The following NOL4 variants were observed in gnomAD, a reference collection of about 807,000 sequenced individuals.
NOL4 encodes the protein nucleolar protein 4.
NOL4 carries 17 observed loss-of-function variants against 75.9 expected under a neutral mutation model. That is an observed-to-expected ratio of 0.22 (90% CI 0.15 to 0.34). The LOEUF (loss-of-function observed/expected upper bound fraction) is 0.34. Among genes scored for constraint, NOL4 ranks in the 10% least tolerant of loss-of-function variants. NOL4 has a pLI of 1.00. For missense variants in NOL4, 614 were observed against 793.5 expected, an observed-to-expected ratio of 0.77 and a Z score of 2.72; for synonymous variants, 292 against 289.9, an observed-to-expected ratio of 1.01 and a Z score of -0.07.
chr18:33,883,169 C>T (rs572339273), intron 10 of NOL4, 75 bp downstream of exon 10: 50 of 1,125,560 alleles, frequency 4.4e-5, no homozygotes, highest in Middle Eastern at 2.6e-4. Context: ...AACTAACCTG[C>T]GCAATGTGCA....
intron 2 of NOL4, among the ~76,000 whole-genome samples, chr18:34,111,356 T>C (rs1231034708): frequency 6.6e-6 from 1 of 152,198 alleles, no homozygotes; most frequent in Non-Finnish European, 1.5e-5. Flanking sequence ...CGTGTCTTCT[T>C]AAACTTTTTC....
intron 2 of NOL4, among the ~76,000 whole-genome samples, chr18:34,112,272 G>T (rs2079626193): frequency 6.6e-6 from 1 of 152,012 alleles, no homozygotes; most frequent in South Asian, 2.1e-4. Context: ...GGGAAGATGA[G>T]ACAGGAGAAT....
chr18:33,869,013 TG>T (rs1428147381), intron 10 of NOL4, among the ~76,000 whole-genome samples: 2 of 151,934 alleles, frequency 1.3e-5, no homozygotes, highest in African/African-American at 2.4e-5. Flanking sequence ...ATTAAAAAAA[TG>T]GTCCTCTTTT....
At chr18:34,087,213 A>G (rs1032428531) in intron 5 of NOL4, among the ~76,000 whole-genome samples, 5 of 152,104 alleles carry the variant, frequency 3.3e-5, no homozygotes, top group Non-Finnish European at 5.9e-5. Context: ...TAAATTCCCA[A>G]TGTAGGAGTT....
intron 1 of NOL4, among the ~76,000 whole-genome samples, chr18:34,201,363 C>T (rs2035729653): frequency 6.6e-6 from 1 of 151,756 alleles, no homozygotes; most frequent in Non-Finnish European, 1.5e-5. Flanking sequence ...ACAAGTCCCA[C>T]AGCCAACACA....
chr18:34,179,097 CAAA>C (rs2033810106), intron 1 of NOL4, among the ~76,000 whole-genome samples: 1 of 151,240 alleles, frequency 6.6e-6, no homozygotes, highest in Non-Finnish European at 1.5e-5. Flanking sequence ...ACTAATGAGT[CAAA>C]GAAGAAGTCA....
intron 9 of NOL4, among the ~76,000 whole-genome samples, chr18:33,886,612 T>A (rs2064674395): frequency 6.6e-6 from 1 of 150,530 alleles, no homozygotes; most frequent in African/African-American, 2.4e-5. Context: ...AATAATAACT[T>A]AGTTTCACAT....
At chr18:34,084,555 C>A (rs946701313) in intron 5 of NOL4, among the ~76,000 whole-genome samples, 1 of 152,116 alleles carries the variant, frequency 6.6e-6, no homozygotes, top group African/African-American at 2.4e-5. Context: ...ATTTCAAATA[C>A]TGTGTGTGGC....
At chr18:34,162,792 A>AG (rs1332841582) in intron 1 of NOL4, among the ~76,000 whole-genome samples, 1 of 152,224 alleles carries the variant, frequency 6.6e-6, no homozygotes, top group Non-Finnish European at 1.5e-5. Flanking sequence ...CAACCAAAAA[A>AG]GAGAATTTTA....
rs539520837 is a variant in NOL4, at chr18:34,140,429, T to C, written c.265-10409A>G. Among the ~76,000 whole-genome samples the C allele has an allele frequency of 3.3e-4, 50 of 152,322 alleles. 1 individual carries two copies. The South Asian group carries it at 7.0e-3, about 21-fold the overall frequency. On this transcript the variant is annotated intron_variant, in intron 1 of 10. Transcript: ENST00000261592. ...TGTTGAATTGATCCCTTTACCATTA[T>C]GTAATGGCCTTCTTTGTCTCTTTTG...
intron 5 of NOL4, among the ~76,000 whole-genome samples, chr18:34,053,600 A>T (rs776286720): frequency 6.6e-6 from 1 of 151,944 alleles, no homozygotes; most frequent in Non-Finnish European, 1.5e-5. Flanking sequence ...GACCCTCTCT[A>T]TTATCACTCT....
At chr18:33,901,810 CTG>C (rs1447080399) in intron 9 of NOL4, among the ~76,000 whole-genome samples, 2 of 151,878 alleles carry the variant, frequency 1.3e-5, no homozygotes, top group Non-Finnish European at 2.9e-5. Context: ...ACATGTAAAG[CTG>C]TGTTACTATT....
At chr18:33,941,600 C>A (rs923205028) in intron 9 of NOL4, among the ~76,000 whole-genome samples, 3 of 151,844 alleles carry the variant, frequency 2.0e-5, no homozygotes, top group Non-Finnish European at 4.4e-5. Flanking sequence ...TTACTATGCA[C>A]CAGGCAAAAT....
chr18:34,028,065 T>C (rs892993867), intron 5 of NOL4, among the ~76,000 whole-genome samples: 12 of 152,222 alleles, frequency 7.9e-5, no homozygotes, highest in Admixed American at 6.5e-4. Context: ...GTACTAACTG[T>C]ATCAATTTAA....
chr18:34,200,287 A>G (rs2035639212), intron 1 of NOL4, among the ~76,000 whole-genome samples: 1 of 151,822 alleles, frequency 6.6e-6, no homozygotes, highest in Non-Finnish European at 1.5e-5. Flanking sequence ...ATCCTGATAA[A>G]CCAAACAAAA....
At chr18:34,133,816 G>A (rs1371555667) in intron 1 of NOL4, among the ~76,000 whole-genome samples, 3 of 152,140 alleles carry the variant, frequency 2.0e-5, no homozygotes, top group Non-Finnish European at 4.4e-5. Flanking sequence ...GAGGTCAGGA[G>A]TTCAAGACCC....
chr18:34,152,835 G>A (rs1043243985), intron 1 of NOL4, among the ~76,000 whole-genome samples: 1 of 151,816 alleles, frequency 6.6e-6, no homozygotes, highest in Non-Finnish European at 1.5e-5. Flanking sequence ...GAAGTACTTA[G>A]ACAAAAGAAA....
chr18:34,162,057 C>A (rs543188841), intron 1 of NOL4, among the ~76,000 whole-genome samples: 1 of 152,170 alleles, frequency 6.6e-6, no homozygotes, highest in Non-Finnish European at 1.5e-5. Context: ...TTATCCATAC[C>A]CTCAAGTGCC....
intron 1 of NOL4, among the ~76,000 whole-genome samples, chr18:34,152,903 T>C (rs2081712796): frequency 1.3e-5 from 2 of 151,884 alleles, no homozygotes; most frequent in African/African-American, 4.8e-5. Flanking sequence ...TTATTTTTAA[T>C]AACTTAGAGA....
Sources: gnomAD v4.1 joint callset for allele counts (sites outside exome capture counted in the v4.1 genomes callset) on GRCh38, gnomAD v4.1.1 for gene constraint, MANE v1.5 for transcripts, NCBI Gene and HGNC (gene_info 2026-07-23, HGNC 2026-07-21) for gene names.